ARSF: variants seen among roughly 807,000 people sequenced by gnomAD.
ARSF encodes the protein arylsulfatase F.
In ARSF, 33 loss-of-function variants were observed where a neutral mutation model predicts 35.4. That is an observed-to-expected ratio of 0.93 (90% CI 0.71 to 1.25). ARSF has a LOEUF of 1.25. ARSF is among the 50% of genes most tolerant of loss of function. ARSF has a pLI of 0.00. For synonymous variants in ARSF, 222 were observed against 193.1 expected (o/e 1.15, Z -1.24); for missense variants, 501 against 480.2 (o/e 1.04, Z -0.40).
At chrX:3,079,776 A>G (rs961264743) in intron 4 of ARSF, among the ~76,000 whole-genome samples, 1 of 107,084 alleles carries the variant, frequency 9.3e-6, no homozygotes, top group Non-Finnish European at 1.9e-5. Flanking sequence ...CCTGGCCAAC[A>G]TGGTGAAACC....
intron 1 of ARSF, among the ~76,000 whole-genome samples, chrX:3,061,088 A>G (rs1163774108): frequency 8.9e-6 from 1 of 112,060 alleles, no homozygotes. Flanking sequence ...AGCCCATCAG[A>G]CTAACAGTGG....
intron 3 of ARSF, among the ~76,000 whole-genome samples, chrX:3,075,895 C>T (rs938979275): frequency 4.1e-5 from 2 of 48,252 alleles, no homozygotes; most frequent in East Asian, 7.6e-3. Context: ...CTCCATCTCT[C>T]TCTCTGTATC....
rs771948052 is a variant in ARSF at position 3,045,874 on chromosome X, G to GTTTGT, written c.-29+4230_-29+4234dup. On this transcript the variant is annotated intron_variant, in intron 1 of 10. Coordinates refer to ENST00000381127, the MANE Select transcript of ARSF (RefSeq NM_001201539.2). ...TAGTGCCATGTCGCCTGTTTTTTTT[G>GTTTGT]TTTGTTTTGTTTTGTTTTGTTTTTT... Among the ~76,000 whole-genome samples, 196 of 107,676 alleles carry GTTTGT rather than the reference G, an allele frequency of 1.8e-3. 1 individual carries two copies. Among genetic ancestry groups the GTTTGT allele is most frequent in the Non-Finnish European group, 2.5e-3 (132 of 52,437 alleles). 93.5% of individuals were successfully genotyped at this position (107,676 alleles called of 115,157 possible).
chrX:3,061,285 G>A (rs1192011232), intron 1 of ARSF, among the ~76,000 whole-genome samples: 3 of 111,153 alleles, frequency 2.7e-5, no homozygotes, highest in South Asian at 3.8e-4. Context: ...CCTGCCCTAC[G>A]AGAGCTCCTG....
chrX:3,053,758 A>ATTTTTTTTTTTTTTTTTTTTTTTTTTTT, intron 1 of ARSF, among the ~76,000 whole-genome samples: 1 of 82,646 alleles, frequency 1.2e-5, no homozygotes, highest in Non-Finnish European at 2.4e-5. Flanking sequence ...CGCCTGGGTA[A>ATTTTTTTTTTTTTTTTTTTTTTTTTTTT]TTTTTTTTTT....
intron 7 of ARSF, among the ~76,000 whole-genome samples, chrX:3,098,745 T>C (rs1014829679): frequency 2.7e-5 from 3 of 111,543 alleles, no homozygotes; most frequent in African/African-American, 9.8e-5. Flanking sequence ...AACAGACTAA[T>C]ACAGTATGTA....
intron 4 of ARSF, among the ~76,000 whole-genome samples, chrX:3,080,284 G>A (rs1603464579): frequency 4.2e-5 from 1 of 23,542 alleles, no homozygotes; most frequent in Admixed American, 5.0e-4. Context: ...GACCATCCTG[G>A]CCAACATGAT....
chrX:3,071,928 C>T, intron 2 of ARSF, 98 bp from the exon 3 acceptor site: 2 of 877,796 alleles, frequency 2.3e-6, no homozygotes, highest in Non-Finnish European at 3.3e-6. Context: ...GGGAGATCCA[C>T]GTGATCTCCA....
Position 3,110,248 on chromosome X carries a change from C to T in ARSF, c.1386C>T (p.Asp462=), listed in dbSNP as rs5983011. ...ACGCCGTGCGGTGGATCCCCAAGGA[C>T]GACAGTGAGTGCTCAACCCGTTGCT... is the stretch of plus-strand genomic sequence containing the variant. The part of the protein sequence containing the change: ...YLHAVRWIPK[D]DSGSVWKAHY... Residue 462 remains aspartate, a synonymous_variant, in exon 10 of 11, where the codon GAC becomes GAT. Coordinates refer to ENST00000381127, the MANE Select transcript of ARSF (RefSeq NM_001201539.2). 0.084 allele frequency: 98,861 copies of T among 1,172,235 alleles called. 3,764 individuals are homozygous for T. Among genetic ancestry groups the T allele is most frequent in the African/African-American group, 0.22 (12,422 of 56,407 alleles).
intron 1 of ARSF, among the ~76,000 whole-genome samples, chrX:3,055,799 T>A (rs766275497): frequency 1.4e-3 from 154 of 111,521 alleles, no homozygotes; most frequent in African/African-American, 4.4e-3. Context: ...GCAAGCTGCT[T>A]CATAAGTACA....
At chrX:3,089,083 C>T (rs1019428747) in intron 6 of ARSF, among the ~76,000 whole-genome samples, 1 of 111,940 alleles carries the variant, frequency 8.9e-6, no homozygotes, top group African/African-American at 3.2e-5. Flanking sequence ...GAAAACTTAA[C>T]ATTTCATGAT....
At chrX:3,054,682 G>A (rs1400970141) in intron 1 of ARSF, among the ~76,000 whole-genome samples, 1 of 109,251 alleles carries the variant, frequency 9.2e-6, no homozygotes, top group African/African-American at 3.3e-5. Flanking sequence ...ATTCATGAAA[G>A]TTTAGATAAG....
chrX:3,051,642 T>A (rs993945314), intron 1 of ARSF, among the ~76,000 whole-genome samples: 5 of 111,560 alleles, frequency 4.5e-5, no homozygotes, highest in Non-Finnish European at 7.5e-5. Flanking sequence ...TTTTTATCTC[T>A]TAGGAAAAAA....
chrX:3,090,241 A>G (rs1462041567), intron 7 of ARSF, among the ~76,000 whole-genome samples: 2 of 112,279 alleles, frequency 1.8e-5, no homozygotes, highest in Non-Finnish European at 3.8e-5. Flanking sequence ...TAGTAAAATG[A>G]TTACTATAGT....
At position 3,076,613 on chromosome X, in the gene ARSF, C is replaced by CCCT; in HGVS notation, c.229_231dup (p.Leu77dup). The CCCT allele has an allele frequency of 8.3e-7, 1 of 1,211,258 alleles. No homozygotes were observed. On this transcript the variant is annotated inframe_insertion, in exon 4 of 11. Transcript: ENST00000381127. ...CTGACTCAGCACATCTCTGCCGCCTCCCTCTGCAGCCCAAGCCGGTCCGCG... is the reference window on the plus strand; with the variant it reads ...CTGACTCAGCACATCTCTGCCGCCTCCCTCCTCTGCAGCCCAAGCCGGTCCGCG...
chrX:3,100,946 G>A, intron 7 of ARSF, 141 bp from the exon 8 acceptor site: 1 of 547,056 alleles, frequency 1.8e-6, no homozygotes, highest in Non-Finnish European at 2.8e-6. Context: ...AACTGTTAAT[G>A]CACATTTCTT....
intron 7 of ARSF, among the ~76,000 whole-genome samples, chrX:3,093,827 G>A (rs185478803): frequency 8.9e-6 from 1 of 112,066 alleles, no homozygotes. Flanking sequence ...GCTTTCCACA[G>A]TGGCTGAGCC....
At chrX:3,069,710 T>C (rs868802749) in intron 2 of ARSF, among the ~76,000 whole-genome samples, 2 of 108,180 alleles carry the variant, frequency 1.8e-5, no homozygotes, top group Non-Finnish European at 3.8e-5. Flanking sequence ...TTTAAATTCA[T>C]TTTTCTTTTT....
Position 3,046,301 on chromosome X carries a change from C to T in ARSF, c.-29+4638C>T, listed in dbSNP as rs745396326. Among the ~76,000 whole-genome samples, 32 of 112,146 alleles carry T rather than the reference C, an allele frequency of 2.9e-4. No individual in the cohort carries two copies. In the South Asian group the frequency reaches 0.012, roughly 42 times the overall value. On this transcript the variant is annotated intron_variant, in intron 1 of 10. Coordinates refer to ENST00000381127, the MANE Select transcript of ARSF (RefSeq NM_001201539.2). ...ATTGGCACAGCTGCCAGCATTTACC[C>T]ATTCAAGCTTCCAGCTTGCTTATTA... is the stretch of plus-strand genomic sequence containing the variant.
Sources: allele counts gnomAD v4.1 joint callset (sites outside exome capture counted in the v4.1 genomes callset), GRCh38; gene constraint gnomAD v4.1.1; transcripts MANE v1.5; gene names NCBI Gene and HGNC (gene_info 2026-07-23, HGNC 2026-07-21).